Variants in GSG1L observed in about 807,000 individuals in gnomAD.
GSG1L encodes the protein germ cell-specific gene 1-like protein.
GSG1L carries 24 observed loss-of-function variants against 42.1 expected under a neutral mutation model. That is an observed-to-expected ratio of 0.57 (90% CI 0.41 to 0.80). The LOEUF (loss-of-function observed/expected upper bound fraction) is 0.80. GSG1L is among the 30% of genes least tolerant of loss of function. The pLI is 0.00. For missense variants in GSG1L, 445 were observed against 472.2 expected, an observed-to-expected ratio of 0.94 and a Z score of 0.53; for synonymous variants, 215 against 203.5, an observed-to-expected ratio of 1.06 and a Z score of -0.48.
chr16:28,020,567 G>T (rs903703918), intron 1 of GSG1L, among the ~76,000 whole-genome samples: 10 of 152,140 alleles, frequency 6.6e-5, no homozygotes, highest in Non-Finnish European at 1.2e-4. Context: ...GGGTGTTGCA[G>T]CCAGCCACTG....
At chr16:27,834,146 T>C (rs1015551130) in intron 4 of GSG1L, among the ~76,000 whole-genome samples, 1 of 152,176 alleles carries the variant, frequency 6.6e-6, no homozygotes, top group Non-Finnish European at 1.5e-5. Context: ...TTAAAAAGTA[T>C]GAATCAATGT....
At chr16:27,837,397 A>G (rs1010191331) in intron 4 of GSG1L, among the ~76,000 whole-genome samples, 11 of 151,902 alleles carry the variant, frequency 7.2e-5, no homozygotes, top group Non-Finnish European at 4.4e-5. Context: ...GCCACCATTG[A>G]CATTCAAGAT....
chr16:28,018,874 G>A (rs2085808599), intron 1 of GSG1L, among the ~76,000 whole-genome samples: 1 of 152,130 alleles, frequency 6.6e-6, no homozygotes, highest in Non-Finnish European at 1.5e-5. Context: ...TGATCCCCAA[G>A]CCCAGCTGCG....
chr16:27,855,583 G>A (rs2083567481), intron 3 of GSG1L, among the ~76,000 whole-genome samples: 1 of 151,922 alleles, frequency 6.6e-6, no homozygotes, highest in Non-Finnish European at 1.5e-5. Flanking sequence ...AGCCAGGTGT[G>A]GTAGCCGGTG....
chr16:27,888,521 TTCTTTCTTTCTTTCTTTCTTTCTTTC>T (rs2084077626), intron 2 of GSG1L, among the ~76,000 whole-genome samples: 1 of 21,396 alleles, frequency 4.7e-5, no homozygotes, highest in Non-Finnish European at 1.1e-4. Flanking sequence ...CTTTCTTTCT[TTCTTTCTTTCTTTCTTTCTTTCTTTC>T]TTTCTTTCTT....
At chr16:28,025,395 T>C (rs74016609) in intron 1 of GSG1L, among the ~76,000 whole-genome samples, 1,811 of 152,266 alleles carry the variant, frequency 0.012, 42 homozygotes, top group African/African-American at 0.041. Context: ...AAGGGGGACA[T>C]GCACCCCACC....
rs562950573 is a variant in GSG1L, at chr16:27,855,884, G to C, written c.551-10823C>G. Among the ~76,000 whole-genome samples, 4 of 152,142 alleles carry C rather than the reference G, an allele frequency of 2.6e-5. No individual in the cohort carries two copies. In the East Asian group the frequency reaches 7.7e-4, roughly 29 times the overall value. On this transcript the variant is annotated intron_variant, in intron 3 of 6. Coordinates refer to ENST00000447459, the MANE Select transcript of GSG1L (RefSeq NM_001109763.2). ...GGCCCCTGGAGCCAGAGCCTACACC[G>C]GGTGCTCTGTTCTGGGGGTCAGGGA...
intron 3 of GSG1L, among the ~76,000 whole-genome samples, chr16:27,866,216 C>T (rs1251926839): frequency 1.3e-5 from 2 of 152,170 alleles, no homozygotes; most frequent in Non-Finnish European, 2.9e-5. Flanking sequence ...GTCCACACCC[C>T]CTCTCCCGTT....
chr16:27,789,701 T>TGGAC lies in GSG1L; in HGVS notation c.*1668_*1669insGTCC, dbSNP rs200498927. The TGGAC allele has an allele frequency of 0.18, 26,252 of 149,370 alleles. 2,317 individuals are homozygous for TGGAC. Among genetic ancestry groups the TGGAC allele is most frequent in the African/African-American group, 0.23 (9,218 of 40,490 alleles). 9.3% of individuals were successfully genotyped at this position (149,370 alleles called of 1,614,324 possible). On this transcript the variant is annotated 3_prime_UTR_variant, in exon 7 of 7. Coordinates refer to ENST00000447459, the MANE Select transcript of GSG1L (RefSeq NM_001109763.2). ...AATGAATGGATAGATGATGGATGGA[T>TGGAC]GGATGGATGGATGGATGATGGATGG... is the stretch of plus-strand genomic sequence containing the variant.
At position 27,867,829 on chromosome 16, in the gene GSG1L, A is replaced by G. The variant is rs914240411; in HGVS notation, c.550+16657T>C. Among the ~76,000 whole-genome samples the G allele has an allele frequency of 1.3e-4, 20 of 150,598 alleles. 1 individual carries two copies. Among genetic ancestry groups the G allele is most frequent in the Non-Finnish European group, 2.1e-4 (14 of 67,666 alleles). On this transcript the variant is annotated intron_variant, in intron 3 of 6. Transcript: ENST00000447459. ...GAGGCCACGCCCCCTGAGGCCAGCC[A>G]CTTCCTGGCCACGCCCCTCAAAGTC...
intron 5 of GSG1L, among the ~76,000 whole-genome samples, chr16:27,823,669 C>T (rs1205333743): frequency 6.6e-6 from 1 of 152,168 alleles, no homozygotes; most frequent in Non-Finnish European, 1.5e-5. Flanking sequence ...ACCAGAAACC[C>T]ACTCACGGTC....
At chr16:27,857,553 G>A (rs1166670484) in intron 3 of GSG1L, among the ~76,000 whole-genome samples, 1 of 152,066 alleles carries the variant, frequency 6.6e-6, no homozygotes, top group African/African-American at 2.4e-5. Flanking sequence ...ACCAGCCTGG[G>A]CAACATAGGG....
intron 2 of GSG1L, among the ~76,000 whole-genome samples, chr16:27,890,097 T>C (rs1438497659): frequency 6.6e-6 from 1 of 152,178 alleles, no homozygotes; most frequent in Non-Finnish European, 1.5e-5. Flanking sequence ...ATATTCTCCC[T>C]CTGTTAGCAG....
At chr16:27,982,401 C>T (rs749668747) in intron 1 of GSG1L, among the ~76,000 whole-genome samples, 1 of 152,122 alleles carries the variant, frequency 6.6e-6, no homozygotes, top group Non-Finnish European at 1.5e-5. Context: ...AGCAGTGGGT[C>T]ACGTGACTAG....
intron 1 of GSG1L, among the ~76,000 whole-genome samples, chr16:28,030,634 G>A (rs1214444651): frequency 6.6e-6 from 1 of 152,232 alleles, no homozygotes; most frequent in Non-Finnish European, 1.5e-5. Flanking sequence ...GTGCTGGTTT[G>A]AGCTGGATTT....
chr16:27,809,159 G>A (rs763226269), intron 5 of GSG1L, among the ~76,000 whole-genome samples: 6 of 152,144 alleles, frequency 3.9e-5, no homozygotes, highest in East Asian at 3.9e-4. Context: ...TTGGGAGGCC[G>A]AGGCAGGAGG....
chr16:27,915,793 AT>A (rs1462859634), intron 2 of GSG1L, among the ~76,000 whole-genome samples: 1 of 152,170 alleles, frequency 6.6e-6, no homozygotes, highest in Non-Finnish European at 1.5e-5. Context: ...TCTCTAAAAA[AT>A]AATAATAATA....
intron 1 of GSG1L, among the ~76,000 whole-genome samples, chr16:28,051,003 C>T (rs1038401759): frequency 1.3e-5 from 2 of 152,174 alleles, no homozygotes; most frequent in African/African-American, 4.8e-5. Flanking sequence ...AATGGAAGCT[C>T]CATGAAACTA....
intron 1 of GSG1L, among the ~76,000 whole-genome samples, chr16:28,006,402 G>A (rs973601693): frequency 2.0e-5 from 3 of 151,252 alleles, no homozygotes; most frequent in Non-Finnish European, 4.4e-5. Flanking sequence ...TCTGCCTCCC[G>A]GGTTCAAGGG....
Sources: gnomAD v4.1 joint callset for allele counts (sites outside exome capture counted in the v4.1 genomes callset) on GRCh38, gnomAD v4.1.1 for gene constraint, MANE v1.5 for transcripts, NCBI Gene and HGNC (gene_info 2026-07-23, HGNC 2026-07-21) for gene names.